ANKRD12: variants seen among roughly 807,000 people sequenced by gnomAD.
ANKRD12 encodes the protein ankyrin repeat domain 12.
ANKRD12 carries 85 observed loss-of-function variants against 183.4 expected under a neutral mutation model. That is an observed-to-expected ratio of 0.46 (90% CI 0.39 to 0.56). The LOEUF (loss-of-function observed/expected upper bound fraction) is 0.56. Among genes scored for constraint, ANKRD12 ranks in the 20% least tolerant of loss-of-function variants. The probability of loss-of-function intolerance (pLI) is 0.00; values close to 1 mark genes in which losing one functional copy is unlikely to be tolerated. For synonymous variants in ANKRD12, 914 were observed against 800.2 expected, an observed-to-expected ratio of 1.14 and a Z score of -2.40; for missense variants, 2,405 against 2,357.1, an observed-to-expected ratio of 1.02 and a Z score of -0.42.
At chr18:9,239,407 C>A in intron 8 of ANKRD12, 1 of 663,102 alleles carries the variant, frequency 1.5e-6, no homozygotes. Context: ...AACACACCTT[C>A]TAGAACCTTT....
chr18:9,173,628 A>AGGGGGGG (rs775694472), intron 1 of ANKRD12, among the ~76,000 whole-genome samples: 12 of 51,284 alleles, frequency 2.3e-4, no homozygotes, highest in African/African-American at 6.6e-4. Flanking sequence ...GGGGGGGGGT[A>AGGGGGGG]GGGGGGGCAG....
At chr18:9,224,819 T>C (rs2036616366) in intron 8 of ANKRD12, among the ~76,000 whole-genome samples, 1 of 152,258 alleles carries the variant, frequency 6.6e-6, no homozygotes, top group Non-Finnish European at 1.5e-5. Flanking sequence ...TTAAAGTTTA[T>C]GTATCTTGTG....
intron 8 of ANKRD12, among the ~76,000 whole-genome samples, chr18:9,225,053 CA>C (rs199885689): frequency 6.7e-6 from 1 of 149,432 alleles, no homozygotes; most frequent in African/African-American, 2.5e-5. Context: ...CTCCTGCCTC[CA>C]AAAAAAACAC....
chr18:9,186,140 T>TTTTTTTTTTTTTTTTTTTTTG (rs1403723317), intron 2 of ANKRD12, among the ~76,000 whole-genome samples: 9 of 146,630 alleles, frequency 6.1e-5, no homozygotes, highest in Non-Finnish European at 8.9e-5. Flanking sequence ...AAGTGTGATT[T>TTTTTTTTTTTTTTTTTTTTTG]TTTTTTTTTT....
chr18:9,228,775 C>A (rs1347434983), intron 8 of ANKRD12, among the ~76,000 whole-genome samples: 2 of 151,910 alleles, frequency 1.3e-5, no homozygotes, highest in Non-Finnish European at 2.9e-5. Context: ...GTCTCTTTAC[C>A]CTCTTGATTC....
intron 11 of ANKRD12, among the ~76,000 whole-genome samples, chr18:9,277,139 C>T (rs987074641): frequency 1.3e-5 from 2 of 152,030 alleles, no homozygotes; most frequent in Admixed American, 6.6e-5. Flanking sequence ...TCTCCCAAAA[C>T]TCATTGAAAT....
At chr18:9,146,279 C>T (rs759502380) in intron 1 of ANKRD12, among the ~76,000 whole-genome samples, 2 of 152,080 alleles carry the variant, frequency 1.3e-5, no homozygotes, top group Non-Finnish European at 2.9e-5. Flanking sequence ...AAAATAAAAC[C>T]AAGCCTGGCA....
chr18:9,172,300 T>C (rs2032817482), intron 1 of ANKRD12, among the ~76,000 whole-genome samples: 2 of 152,202 alleles, frequency 1.3e-5, no homozygotes, highest in Admixed American at 6.5e-5. Context: ...TCCTGGATGA[T>C]ATCCTGAAGT....
At chr18:9,139,568 T>A (rs1052822882) in intron 1 of ANKRD12, among the ~76,000 whole-genome samples, 3 of 152,242 alleles carry the variant, frequency 2.0e-5, no homozygotes, top group African/African-American at 7.2e-5. Context: ...GTTAATGCAA[T>A]CATTTCCATC....
At chr18:9,242,487 G>C (rs1272010759) in intron 8 of ANKRD12, among the ~76,000 whole-genome samples, 4 of 151,930 alleles carry the variant, frequency 2.6e-5, no homozygotes, top group African/African-American at 9.7e-5. Flanking sequence ...TTCAGCTTTA[G>C]CTATCTCATC....
At chr18:9,175,565 T>C (rs997042752) in intron 1 of ANKRD12, among the ~76,000 whole-genome samples, 1 of 128,262 alleles carries the variant, frequency 7.8e-6, no homozygotes, top group African/African-American at 2.9e-5. Flanking sequence ...ACAGTCTCTG[T>C]CATGCAGGCT....
At chr18:9,214,064 A>AT (rs1038213472) in intron 6 of ANKRD12, among the ~76,000 whole-genome samples, 1 of 151,580 alleles carries the variant, frequency 6.6e-6, no homozygotes, top group African/African-American at 2.4e-5. Context: ...TTATATGTGG[A>AT]TTTTTTTCAG....
chr18:9,163,406 C>T (rs534986640), intron 1 of ANKRD12, among the ~76,000 whole-genome samples: 117 of 152,282 alleles, frequency 7.7e-4, no homozygotes, highest in African/African-American at 2.8e-3. Flanking sequence ...GTCTGTGTGT[C>T]TGTTTTTGTA....
Position 9,279,683 on chromosome 18 carries a change from C to T in ANKRD12, c.6003+39C>T, listed in dbSNP as rs1376200007. On this transcript the variant is annotated intron_variant, in intron 12 of 12. Coordinates refer to ENST00000262126, the MANE Select transcript of ANKRD12 (RefSeq NM_015208.5). ...GAAGTCAGTTTAAATGAATGCTTCC[C>T]CCTTCTTAAAAAAAAAAAAAACTCT... 4.1e-6 allele frequency: 5 copies of T among 1,215,368 alleles called. No individual in the cohort carries two copies. In the African/African-American group the frequency reaches 4.7e-5, roughly 12 times the overall value. 75.3% of individuals were successfully genotyped at this position (1,215,368 alleles called of 1,614,324 possible).
intron 7 of ANKRD12, among the ~76,000 whole-genome samples, chr18:9,217,119 TTAAA>T (rs1335255416): frequency 1.3e-5 from 2 of 152,232 alleles, no homozygotes; most frequent in African/African-American, 2.4e-5. Context: ...TGACAGTTGA[TTAAA>T]TAATTTGGCA....
chr18:9,189,019 A>G (rs781101219), intron 2 of ANKRD12, among the ~76,000 whole-genome samples: 7 of 152,368 alleles, frequency 4.6e-5, no homozygotes, highest in Non-Finnish European at 1.0e-4. Flanking sequence ...AGGTATGTCA[A>G]AGGCTGAGAG....
At chr18:9,280,112 C>T (rs2040039318) in intron 12 of ANKRD12, among the ~76,000 whole-genome samples, 1 of 152,104 alleles carries the variant, frequency 6.6e-6, no homozygotes, top group Non-Finnish European at 1.5e-5. Flanking sequence ...ACCTTTTTGG[C>T]ACCAGGGACC....
intron 1 of ANKRD12, chr18:9,137,966 A>C (rs542358110): frequency 1.8e-4 from 27 of 152,332 alleles, no homozygotes; most frequent in African/African-American, 6.5e-4. Flanking sequence ...AAACCTTAGG[A>C]AACATTTAAA....
intron 8 of ANKRD12, among the ~76,000 whole-genome samples, chr18:9,241,959 G>A (rs912633469): frequency 4.0e-5 from 6 of 150,634 alleles, no homozygotes; most frequent in African/African-American, 1.2e-4. Flanking sequence ...AAGAAATTGC[G>A]AATACCTAAA....
Sources: gnomAD v4.1 joint callset for allele counts (sites outside exome capture counted in the v4.1 genomes callset) on GRCh38, gnomAD v4.1.1 for gene constraint, MANE v1.5 for transcripts, NCBI Gene and HGNC (gene_info 2026-07-23, HGNC 2026-07-21) for gene names.